The following MACROH2A2 variants were observed in gnomAD, a reference collection of about 807,000 sequenced individuals.
MACROH2A2 encodes the protein core histone macro-H2A.2.
Under a neutral mutation model 37.6 loss-of-function variants are expected in MACROH2A2, and 6 were observed. The ratio of observed to expected loss-of-function variants is 0.16; its 90% CI spans 0.09 to 0.32. The LOEUF (loss-of-function observed/expected upper bound fraction) is 0.32. MACROH2A2 is among the 10% of genes least tolerant of loss of function. The pLI is 1.00. For synonymous variants in MACROH2A2, 192 were observed against 202.7 expected, an observed-to-expected ratio of 0.95 and a Z score of 0.45; for missense variants, 290 against 485.9, an observed-to-expected ratio of 0.60 and a Z score of 3.79.
At chr10:70,080,678 T>A (rs2072170751) in intron 2 of MACROH2A2, among the ~76,000 whole-genome samples, 1 of 151,642 alleles carries the variant, frequency 6.6e-6, no homozygotes, top group Non-Finnish European at 1.5e-5. Context: ...GGTCAGGAGT[T>A]CAAGACTAGC....
At chr10:70,059,739 C>T (rs993052495) in intron 1 of MACROH2A2, among the ~76,000 whole-genome samples, 1 of 152,236 alleles carries the variant, frequency 6.6e-6, no homozygotes, top group Non-Finnish European at 1.5e-5. Flanking sequence ...CAGGCCACAG[C>T]TAGTCACAGC....
At chr10:70,102,334 G>C (rs145837965) in intron 7 of MACROH2A2, among the ~76,000 whole-genome samples, 45 of 152,344 alleles carry the variant, frequency 3.0e-4, no homozygotes, top group African/African-American at 9.1e-4. Flanking sequence ...TGGGCCTGTG[G>C]GCTGTGCGAA....
At chr10:70,085,203 A>G (rs80325234) in intron 2 of MACROH2A2, among the ~76,000 whole-genome samples, 3,932 of 152,266 alleles carry the variant, frequency 0.026, 214 homozygotes, top group East Asian at 0.15. Context: ...TACCAGTTCT[A>G]AGGGCGAAGA....
intron 4 of MACROH2A2, among the ~76,000 whole-genome samples, chr10:70,093,428 G>C (rs554523876): frequency 1.3e-5 from 2 of 152,220 alleles, no homozygotes; most frequent in Non-Finnish European, 2.9e-5. Flanking sequence ...ACCCAGCTCC[G>C]ATGCTTGTCG....
In MACROH2A2 at chr10:70,092,275, A is replaced by G. The variant is rs1241971936; in HGVS notation, c.477+321A>G. On this transcript the variant is annotated intron_variant, in intron 4 of 8. Coordinates refer to ENST00000373255, the MANE Select transcript of MACROH2A2 (RefSeq NM_018649.3). ...CTTCCTGCCTCCGGAACTATGAGAAACAAGTTTCTGGGCCAGGCACAGTGG... is the reference window on the plus strand; with the variant it reads ...CTTCCTGCCTCCGGAACTATGAGAAGCAAGTTTCTGGGCCAGGCACAGTGG... Among the ~76,000 whole-genome samples, 4 of 151,810 alleles carry G rather than the reference A, an allele frequency of 2.6e-5. No individual in the cohort carries two copies. In the South Asian group the frequency reaches 6.2e-4, roughly 24 times the overall value.
At chr10:70,078,970 A>C (rs918076081) in intron 2 of MACROH2A2, among the ~76,000 whole-genome samples, 7 of 152,190 alleles carry the variant, frequency 4.6e-5, no homozygotes, top group African/African-American at 1.7e-4. Flanking sequence ...AAACAAATCT[A>C]GACTGAGTGC....
At chr10:70,061,995 A>G (rs906349109) in intron 1 of MACROH2A2, among the ~76,000 whole-genome samples, 1 of 152,226 alleles carries the variant, frequency 6.6e-6, no homozygotes, top group Non-Finnish European at 1.5e-5. Flanking sequence ...CATAAATGGA[A>G]GTGTAATAGA....
At chr10:70,096,095 A>G (rs1321165382) in intron 6 of MACROH2A2, among the ~76,000 whole-genome samples, 1 of 152,190 alleles carries the variant, frequency 6.6e-6, no homozygotes, top group African/African-American at 2.4e-5. Context: ...ACTCCCAGTC[A>G]GTATTTCCTC....
chr10:70,092,981 A>T (rs922420623), intron 4 of MACROH2A2, among the ~76,000 whole-genome samples: 5 of 151,746 alleles, frequency 3.3e-5, no homozygotes, highest in African/African-American at 1.2e-4. Context: ...GTTGCCCAGT[A>T]CAGTAACCAC....
intron 2 of MACROH2A2, among the ~76,000 whole-genome samples, chr10:70,089,755 AT>A (rs201608424): frequency 6.6e-6 from 1 of 151,206 alleles, no homozygotes; most frequent in African/African-American, 2.5e-5. Flanking sequence ...AAATTTTTTA[AT>A]TTTTTTAAAT....
chr10:70,059,572 T>C (rs1455331501), intron 1 of MACROH2A2, among the ~76,000 whole-genome samples: 1 of 152,106 alleles, frequency 6.6e-6, no homozygotes, highest in East Asian at 1.9e-4. Flanking sequence ...AGTTTCACCA[T>C]GTTGGCCAGG....
chr10:70,062,338 C>T (rs1460049112), intron 1 of MACROH2A2, among the ~76,000 whole-genome samples: 1 of 152,000 alleles, frequency 6.6e-6, no homozygotes, highest in Non-Finnish European at 1.5e-5. Context: ...TATTCTGAAG[C>T]ACAATACCAC....
chr10:70,071,799 G>A (rs2072112567), intron 1 of MACROH2A2, among the ~76,000 whole-genome samples: 1 of 152,178 alleles, frequency 6.6e-6, no homozygotes, highest in African/African-American at 2.4e-5. Context: ...GTAAAATACA[G>A]TATAAAATGT....
intron 1 of MACROH2A2, among the ~76,000 whole-genome samples, chr10:70,055,811 C>T (rs368025721): frequency 5.8e-4 from 89 of 152,240 alleles, no homozygotes; most frequent in African/African-American, 2.1e-3. Flanking sequence ...AGCAGGCATC[C>T]GTGAGCTCAG....
At chr10:70,057,110 A>T (rs1235931988) in intron 1 of MACROH2A2, among the ~76,000 whole-genome samples, 1 of 152,192 alleles carries the variant, frequency 6.6e-6, no homozygotes, top group Admixed American at 6.5e-5. Context: ...CAAAATATTT[A>T]AGGCTGGTTT....
At chr10:70,076,652 C>G (rs1482418146) in intron 2 of MACROH2A2, among the ~76,000 whole-genome samples, 4 of 152,162 alleles carry the variant, frequency 2.6e-5, no homozygotes, top group Admixed American at 6.5e-5. Flanking sequence ...AACAATGTCT[C>G]TGACTTTGCC....
intron 1 of MACROH2A2, among the ~76,000 whole-genome samples, chr10:70,057,096 G>A (rs1177665761): frequency 6.6e-6 from 1 of 152,150 alleles, no homozygotes; most frequent in African/African-American, 2.4e-5. Context: ...GAGACCTTTT[G>A]AAACAAAATA....
At chr10:70,079,934 GA>G (rs2072165451) in intron 2 of MACROH2A2, among the ~76,000 whole-genome samples, 1 of 152,162 alleles carries the variant, frequency 6.6e-6, no homozygotes, top group Non-Finnish European at 1.5e-5. Flanking sequence ...CATGGGGTGA[GA>G]AGTAGATTGA....
intron 7 of MACROH2A2, among the ~76,000 whole-genome samples, chr10:70,106,138 T>TCTA (rs2072336308): frequency 6.6e-6 from 1 of 152,218 alleles, no homozygotes; most frequent in Non-Finnish European, 1.5e-5. Flanking sequence ...CCCCTTTTGC[T>TCTA]GTGGTGACTC....
Sources: gnomAD v4.1 joint callset for allele counts (sites outside exome capture counted in the v4.1 genomes callset) on GRCh38, gnomAD v4.1.1 for gene constraint, MANE v1.5 for transcripts, NCBI Gene and HGNC (gene_info 2026-07-23, HGNC 2026-07-21) for gene names.